The following DCLK2 variants were observed in gnomAD, a reference collection of about 807,000 sequenced individuals.
DCLK2 encodes the protein serine/threonine-protein kinase DCLK2.
Under a neutral mutation model 78.4 loss-of-function variants are expected in DCLK2, and 31 were observed. The observed-to-expected ratio is 0.40, with a 90% CI of 0.30 to 0.53. The LOEUF is 0.53. DCLK2 is among the 20% of genes least tolerant of loss of function. The probability of loss-of-function intolerance (pLI) is 0.61; values close to 1 mark genes in which losing one functional copy is unlikely to be tolerated. For missense variants in DCLK2, 872 were observed against 973.7 expected (o/e 0.90, Z 1.39); for synonymous variants, 407 against 374.9 (o/e 1.09, Z -0.99).
intron 2 of DCLK2, among the ~76,000 whole-genome samples, chr4:150,188,042 G>T (rs903259363): frequency 3.9e-5 from 6 of 152,038 alleles, no homozygotes; most frequent in Non-Finnish European, 5.9e-5. Context: ...CTCATGATCC[G>T]CACCCCTTGG....
At chr4:150,188,907 A>G (rs1452974094) in intron 2 of DCLK2, among the ~76,000 whole-genome samples, 1 of 140,230 alleles carries the variant, frequency 7.1e-6, no homozygotes, top group Non-Finnish European at 1.5e-5. Context: ...TCTGTCTCAA[A>G]AAAAAAAAAA....
intron 1 of DCLK2, among the ~76,000 whole-genome samples, chr4:150,080,119 C>CG (rs926022379): frequency 6.6e-6 from 1 of 151,034 alleles, no homozygotes; most frequent in African/African-American, 2.4e-5. Flanking sequence ...AAGCCCCCCC[C>CG]CCAGGTGATT....
chr4:150,166,747 T>A, intron 2 of DCLK2, among the ~76,000 whole-genome samples: 1 of 129,158 alleles, frequency 7.7e-6, no homozygotes, highest in South Asian at 3.5e-4. Context: ...TAAGTCCTTT[T>A]TGTTCATGCA....
chr4:150,196,091 A>G (rs920531838), intron 3 of DCLK2, among the ~76,000 whole-genome samples: 1 of 152,108 alleles, frequency 6.6e-6, no homozygotes, highest in East Asian at 1.9e-4. Context: ...TTTAACTTGT[A>G]TTGTAATCTT....
chr4:150,113,356 G>A (rs1241961498), intron 2 of DCLK2, among the ~76,000 whole-genome samples: 1 of 152,160 alleles, frequency 6.6e-6, no homozygotes, highest in Non-Finnish European at 1.5e-5. Flanking sequence ...GAATTTGGCT[G>A]TGAATCTATC....
intron 1 of DCLK2, among the ~76,000 whole-genome samples, chr4:150,094,191 A>C (rs1023254370): frequency 1.3e-5 from 2 of 152,252 alleles, no homozygotes; most frequent in Non-Finnish European, 2.9e-5. Flanking sequence ...CAAATGTAAA[A>C]ATAGACAAGT....
chr4:150,251,738 G>C (rs545443140), intron 15 of DCLK2, among the ~76,000 whole-genome samples: 67 of 17,382 alleles, frequency 3.9e-3, no homozygotes, highest in South Asian at 0.011. Flanking sequence ...CCCCACACCC[G>C]AACACACCCC....
intron 2 of DCLK2, among the ~76,000 whole-genome samples, chr4:150,169,281 A>T (rs1256161100): frequency 6.6e-6 from 1 of 152,224 alleles, no homozygotes; most frequent in Non-Finnish European, 1.5e-5. Context: ...AAGGAAAAAA[A>T]TGGACTGTTA....
At chr4:150,092,611 A>G (rs1730163714) in intron 1 of DCLK2, among the ~76,000 whole-genome samples, 1 of 152,156 alleles carries the variant, frequency 6.6e-6, no homozygotes, top group Non-Finnish European at 1.5e-5. Context: ...ATGTCTATTC[A>G]GATCCTTTCT....
At chr4:150,167,896 C>A (rs575717055) in intron 2 of DCLK2, among the ~76,000 whole-genome samples, 14 of 152,262 alleles carry the variant, frequency 9.2e-5, no homozygotes, top group Non-Finnish European at 1.9e-4. Context: ...GGGAAGAATG[C>A]CTCAGGTGAG....
Position 150,079,426 on chromosome 4 carries a change from C to G in DCLK2, c.399C>G (p.Thr133=). 3 of 1,542,924 alleles carry G rather than the reference C, an allele frequency of 1.9e-6. 1 individual carries two copies. The South Asian group carries it at 3.7e-5, about 19-fold the overall frequency. Residue 133 remains threonine (T), a synonymous_variant, in exon 1 of 16, where the codon ACC becomes ACG. Transcript: ENST00000296550. ...IYTIDGSRKV[T]SLDELLEGES... ...CCATCGACGGCAGCCGGAAGGTCAC[C>G]AGCCTGGACGAGCTGCTGGAAGGTA... is the stretch of plus-strand genomic sequence containing the variant.
chr4:150,159,906 A>G (rs188759799), intron 2 of DCLK2, among the ~76,000 whole-genome samples: 174 of 152,218 alleles, frequency 1.1e-3, no homozygotes, highest in African/African-American at 3.8e-3. Flanking sequence ...AAAAAATACA[A>G]TGATCCAGCA....
At chr4:150,239,152 G>T (rs948106661) in intron 10 of DCLK2, among the ~76,000 whole-genome samples, 4 of 152,272 alleles carry the variant, frequency 2.6e-5, no homozygotes, top group Admixed American at 1.3e-4. Flanking sequence ...TAACTACTGT[G>T]TAAGCAAGCA....
chr4:150,234,887 T>C (rs541514073), intron 10 of DCLK2, among the ~76,000 whole-genome samples: 69 of 152,272 alleles, frequency 4.5e-4, no homozygotes, highest in Admixed American at 3.3e-4. Flanking sequence ...TTCTCGCCCA[T>C]TGGGACCTTG....
intron 2 of DCLK2, among the ~76,000 whole-genome samples, chr4:150,106,861 G>T (rs946903823): frequency 2.0e-5 from 3 of 152,134 alleles, no homozygotes; most frequent in African/African-American, 7.2e-5. Context: ...GTCTGACTTC[G>T]TTATTAAAAC....
At chr4:150,169,230 C>T (rs148115572) in intron 2 of DCLK2, among the ~76,000 whole-genome samples, 131 of 152,284 alleles carry the variant, frequency 8.6e-4, no homozygotes, top group African/African-American at 2.9e-3. Flanking sequence ...AATCCCTGCA[C>T]AGGACTGAAC....
At chr4:150,230,261 TG>T (rs1164291491) in intron 8 of DCLK2, among the ~76,000 whole-genome samples, 6 of 152,236 alleles carry the variant, frequency 3.9e-5, no homozygotes, top group African/African-American at 7.2e-5. Context: ...GAAGACCTTC[TG>T]TTGTGCCTTT....
rs1211111058 is a variant in DCLK2, at chr4:150,247,605, A to C, written c.1781A>C (p.Glu594Ala). Reference sequence around the variant, plus strand: ...CCATTTCTTTGTCACTGGCTTAGTGAGAACAATCTCCAGGAAGATCTCTTC... The same window carrying C: ...CCATTTCTTTGTCACTGGCTTAGTGCGAACAATCTCCAGGAAGATCTCTTC... ...LLCGFPPFRS[E>A]NNLQEDLFDQ... The change falls in exon 13 of 16, where the codon GAG becomes GCG. Residue 594 changes from glutamate (E) to alanine (A), a missense_variant and splice_region_variant. Physicochemically the swap from Glu to Ala is moderately radical, Grantham distance 107. This residue lies in a region of DCLK2 where 219 missense variants were observed against 230.1 expected (regional missense o/e 0.95). Transcript: ENST00000296550. The C allele has an allele frequency of 6.2e-7, 1 of 1,613,742 alleles. No homozygotes were observed. The highest frequency in any genetic ancestry group is 8.5e-7 in the Non-Finnish European group (1 of 1,179,856).
chr4:150,238,165 C>A (rs544482633), intron 10 of DCLK2, among the ~76,000 whole-genome samples: 1 of 152,018 alleles, frequency 6.6e-6, no homozygotes, highest in South Asian at 2.1e-4. Flanking sequence ...TTCATGCTAC[C>A]ACTTAGAGAT....
Sources: gnomAD v4.1 joint callset for allele counts (sites outside exome capture counted in the v4.1 genomes callset) on GRCh38, gnomAD v4.1.1 for gene constraint, gnomAD v4.1.1 regional missense constraint, MANE v1.5 for transcripts, NCBI Gene and HGNC (gene_info 2026-07-23, HGNC 2026-07-21) for gene names.